The following GNAI2 variants were observed in gnomAD, a reference collection of about 807,000 sequenced individuals.
GNAI2 encodes the protein G protein subunit alpha i2, also known as guanine nucleotide-binding protein G(i) subunit alpha-2.
Under a neutral mutation model 36.8 loss-of-function variants are expected in GNAI2, and 4 were observed. The observed-to-expected ratio is 0.11, with a 90% CI of 0.05 to 0.25. GNAI2 has a LOEUF of 0.25. Among genes scored for constraint, GNAI2 ranks in the 10% least tolerant of loss-of-function variants. The pLI, the probability that GNAI2 is intolerant of heterozygous loss-of-function variation, is 1.00. For synonymous variants in GNAI2, 194 were observed against 194.1 expected (o/e 1.00, Z 0.01); for missense variants, 230 against 481.3 (o/e 0.48, Z 4.89).
rs1575456113 is a variant in GNAI2 at position 50,256,172 on chromosome 3, CT to C, written c.465-19del. 1.6e-5 allele frequency: 22 copies of C among 1,345,618 alleles called. No homozygotes were observed. Among genetic ancestry groups the C allele is most frequent in the Admixed American group, 1.2e-4 (7 of 56,020 alleles). The allele number at this position is 1,345,618 out of a possible 1,614,324, so 83.4% of individuals were successfully genotyped here. A position where few individuals can be genotyped will look rare whatever the true frequency, so the allele number is the denominator to read the frequency against. ...AGCCCCATGCTGGCCCCCACTGACC[CT>C]CCCACCCCCCATCCCCAGCTACCTG... is the stretch of plus-strand genomic sequence containing the variant. On this transcript the variant is annotated intron_variant, in intron 4 of 8. Transcript: ENST00000313601.
chr3:50,243,525 T>A (rs1294806939), intron 1 of GNAI2, among the ~76,000 whole-genome samples: 2 of 152,246 alleles, frequency 1.3e-5, no homozygotes, highest in Non-Finnish European at 2.9e-5. Flanking sequence ...GATTCTCCCC[T>A]ACCAGCACCC....
intron 4 of GNAI2, 69 bp from the exon 5 acceptor site, chr3:50,256,123 G>A: frequency 1.3e-6 from 1 of 742,492 alleles, no homozygotes; most frequent in Non-Finnish European, 2.3e-6. Flanking sequence ...GCCTCTTGCA[G>A]CTGGCCCAGG....
intron 1 of GNAI2, among the ~76,000 whole-genome samples, chr3:50,248,779 A>G (rs1223161357): frequency 2.5e-4 from 38 of 152,076 alleles, no homozygotes; most frequent in Admixed American, 2.5e-3. Context: ...TGTTCTCTTA[A>G]CATTTAAGAG....
At chr3:50,233,886 A>G (rs1559762740), upstream of GNAI2, among the ~76,000 whole-genome samples, 1 of 147,716 alleles carries the variant, frequency 6.8e-6, no homozygotes, top group Non-Finnish European at 1.5e-5. Context: ...AATGTGTAAC[A>G]AGGTTCTTTT....
chr3:50,256,874 G>A, intron 6 of GNAI2, 22 bp downstream of exon 6: 2 of 1,613,924 alleles, frequency 1.2e-6, no homozygotes, highest in Non-Finnish European at 1.7e-6. Context: ...AGAGAATGCT[G>A]CGGGTGGGGG....
At chr3:50,257,168 A>T in intron 7 of GNAI2, 78 bp downstream of exon 7, 1 of 1,286,768 alleles carries the variant, frequency 7.8e-7, no homozygotes, top group Non-Finnish European at 1.1e-6. Context: ...GGTGGCCCTC[A>T]GGCGCCCCCC....
At position 50,259,004 on chromosome 3, in the gene GNAI2, C is replaced by T. The variant is rs1700785359; in HGVS notation, c.*661C>T. 4.6e-6 allele frequency: 2 copies of T among 439,458 alleles called. No individual in the cohort carries two copies. Among genetic ancestry groups the T allele is most frequent in the Non-Finnish European group, 9.0e-6 (2 of 222,510 alleles). 27.2% of individuals were successfully genotyped at this position (439,458 alleles called of 1,614,324 possible). On this transcript the variant is annotated 3_prime_UTR_variant, in exon 9 of 9. Coordinates refer to ENST00000313601, the MANE Select transcript of GNAI2 (RefSeq NM_002070.4). ...CCCCAGCCCCCCTTCCAAGTGACTC[C>T]GTGCCTTGAGTGTGTCTGCGTGTTT...
chr3:50,254,712 C>T (rs1453822464), intron 4 of GNAI2, among the ~76,000 whole-genome samples: 1 of 152,230 alleles, frequency 6.6e-6, no homozygotes, highest in Non-Finnish European at 1.5e-5. Flanking sequence ...AATAGAGCCA[C>T]CTCCAGGCCA....
chr3:50,238,143 C>G lies in GNAI2; in HGVS notation c.118+1690C>G, dbSNP rs1452692173. The G allele has an allele frequency of 1.3e-5, 2 of 152,210 alleles. No individual in the cohort carries two copies. Among genetic ancestry groups the G allele is most frequent in the African/African-American group, 2.4e-5 (1 of 41,440 alleles). The allele number at this position is 152,210 out of a possible 1,614,324, so 9.4% of individuals were successfully genotyped here. A position where few individuals can be genotyped will look rare whatever the true frequency, so the allele number is the denominator to read the frequency against. ...TGCGGCAGCGGCAGTGAGTGGGTGT[C>G]GACGCGGCGGAATGCCCGTCGCTGC... On this transcript the variant is annotated intron_variant, in intron 1 of 8. Transcript: ENST00000313601. This position sits in a 1 kb window ranked among gnomAD's most constrained non-coding sequence, Gnocchi z 5.0.
intron 1 of GNAI2, among the ~76,000 whole-genome samples, chr3:50,245,278 G>C (rs1445940143): frequency 1.3e-5 from 2 of 152,180 alleles, no homozygotes; most frequent in Non-Finnish European, 2.9e-5. Flanking sequence ...GAATACAGGC[G>C]TGAGCCACCC....
chr3:50,227,663 C>T (rs587645648), upstream of GNAI2, among the ~76,000 whole-genome samples: 1 of 152,258 alleles, frequency 6.6e-6, no homozygotes, highest in South Asian at 2.1e-4. The surrounding 1 kb of genome is among the most constrained non-coding windows in gnomAD (Gnocchi z 5.9). Context: ...ACGCCTTGGG[C>T]GGGGCGTGGG....
rs1393161415 is a variant in GNAI2, at chr3:50,236,964, A to C, written c.118+511A>C. ...CCCTAGTCTGGAATCTGTATCCTCC[A>C]CCTGTGCACTCTGACCCAAGGAACC... On this transcript the variant is annotated intron_variant, in intron 1 of 8. Coordinates refer to ENST00000313601, the MANE Select transcript of GNAI2 (RefSeq NM_002070.4). The surrounding 1 kb of genome is among the most constrained non-coding windows in gnomAD (Gnocchi z 4.0). 6.6e-6 allele frequency among the ~76,000 whole-genome samples: 1 copy of C among 151,290 alleles called. No individual in the cohort carries two copies. Among genetic ancestry groups the C allele is most frequent in the Non-Finnish European group, 1.5e-5 (1 of 67,836 alleles).
intron 5 of GNAI2, 123 bp downstream of exon 5, chr3:50,256,443 C>A: frequency 2.2e-6 from 2 of 905,336 alleles, no homozygotes; most frequent in South Asian, 1.4e-5. Context: ...GTGTTCTGGG[C>A]AAGCACATCC....
rs1170128539 is a variant in GNAI2 at position 50,236,252 on chromosome 3, T to C, written c.-84T>C. The C allele has an allele frequency of 2.5e-6, 3 of 1,204,556 alleles. No homozygotes were observed. The highest frequency in any genetic ancestry group is 3.1e-6 in the Non-Finnish European group (3 of 969,830). 74.6% of individuals were successfully genotyped at this position (1,204,556 alleles called of 1,614,324 possible). A position where few individuals can be genotyped will look rare whatever the true frequency, so the allele number is the denominator to read the frequency against. ...AGTGCTTCCCGCAGAGGGCTGGTGG[T>C]GGGAGCGGAGTGGGTCGGGCGGGGC... On this transcript the variant is annotated 5_prime_UTR_variant, in exon 1 of 9. Coordinates refer to ENST00000313601, the MANE Select transcript of GNAI2 (RefSeq NM_002070.4). The surrounding 1 kb of genome is among the most constrained non-coding windows in gnomAD (Gnocchi z 4.0).
chr3:50,256,482 T>C, intron 5 of GNAI2, 162 bp downstream of exon 5: 1 of 741,264 alleles, frequency 1.3e-6, no homozygotes. Context: ...GCAGTCAGGA[T>C]CCACGCCACC....
rs1428729671 is a variant in GNAI2, at chr3:50,255,378, C to G, written c.465-814C>G. 1.3e-5 allele frequency among the ~76,000 whole-genome samples: 2 copies of G among 152,206 alleles called. No homozygotes were observed. Among genetic ancestry groups the G allele is most frequent in the Non-Finnish European group, 2.9e-5 (2 of 68,032 alleles). On this transcript the variant is annotated intron_variant, in intron 4 of 8. Coordinates refer to ENST00000313601, the MANE Select transcript of GNAI2 (RefSeq NM_002070.4). This position sits in a 1 kb window ranked among gnomAD's most constrained non-coding sequence, Gnocchi z 4.0. The stretch of plus-strand genomic sequence containing the variant: ...GCCAAGCAGGTGTCTGTGCCCTCCC[C>G]CTGAGGAACCCAGATTTCATTGGGC...
chr3:50,234,183 C>A (rs1450825646), upstream of GNAI2, among the ~76,000 whole-genome samples: 4 of 151,080 alleles, frequency 2.6e-5, no homozygotes, highest in African/African-American at 9.8e-5. Flanking sequence ...TCTCCTGCCT[C>A]AGCCTCCTGA....
At chr3:50,227,421 T>G (rs1260977828), upstream of GNAI2, 33 of 303,610 alleles carry the variant, frequency 1.1e-4, no homozygotes, top group Non-Finnish European at 1.2e-4. This position sits in a 1 kb window ranked among gnomAD's most constrained non-coding sequence, Gnocchi z 5.9. Context: ...CCACCGTGAG[T>G]GGGGGCCGCG....
At chr3:50,235,672 C>T (rs1396138269), upstream of GNAI2, among the ~76,000 whole-genome samples, 1 of 152,194 alleles carries the variant, frequency 6.6e-6, no homozygotes, top group Non-Finnish European at 1.5e-5. Flanking sequence ...GGCGGTAAAC[C>T]CGCCTTAAGA....
Sources: allele counts gnomAD v4.1 joint callset (sites outside exome capture counted in the v4.1 genomes callset), GRCh38; gene constraint gnomAD v4.1.1; non-coding constraint Gnocchi (gnomAD v3.1); transcripts MANE v1.5; gene names NCBI Gene and HGNC (gene_info 2026-07-23, HGNC 2026-07-21).